TPD52: variants seen among roughly 807,000 people sequenced by gnomAD.
TPD52 encodes prostate and colon associated protein.
In TPD52, 17 loss-of-function variants were observed where a neutral mutation model predicts 31.3. That is an observed-to-expected ratio of 0.54 (90% CI 0.37 to 0.82). The LOEUF (loss-of-function observed/expected upper bound fraction) is 0.82, where lower values mean the gene tolerates loss of function less well. Among genes scored for constraint, TPD52 ranks in the 40% least tolerant of loss-of-function variants. The pLI is 0.00. For synonymous variants in TPD52, 83 were observed against 89.6 expected (o/e 0.93, Z 0.42); for missense variants, 212 against 240.1 (o/e 0.88, Z 0.77).
chr8:80,070,472 C>T (rs1471730833), intron 1 of TPD52, among the ~76,000 whole-genome samples: 1 of 152,102 alleles, frequency 6.6e-6, no homozygotes, highest in African/African-American at 2.4e-5. Flanking sequence ...GGAAACTGTT[C>T]CACCTCAGAT....
At chr8:80,061,777 T>C (rs1022389541) in intron 2 of TPD52, among the ~76,000 whole-genome samples, 1 of 152,100 alleles carries the variant, frequency 6.6e-6, no homozygotes, top group African/African-American at 2.4e-5. Context: ...TTCTACATAA[T>C]AGCAATAAAC....
intron 2 of TPD52, among the ~76,000 whole-genome samples, chr8:80,063,243 T>C (rs1271495689): frequency 6.6e-6 from 1 of 152,212 alleles, no homozygotes; most frequent in Non-Finnish European, 1.5e-5. Flanking sequence ...CACAGATATG[T>C]GCTACACCAT....
chr8:80,089,933 C>G (rs73691168), intron 1 of TPD52, among the ~76,000 whole-genome samples: 8,832 of 152,108 alleles, frequency 0.058, 842 homozygotes, highest in African/African-American at 0.2. Context: ...AGGAGAGAAA[C>G]TGGATAAGAT....
chr8:80,075,370 G>A (rs578121372), intron 1 of TPD52, among the ~76,000 whole-genome samples: 148 of 152,276 alleles, frequency 9.7e-4, no homozygotes, highest in Non-Finnish European at 1.7e-3. Flanking sequence ...GAGCCACATC[G>A]GGTGCAAAGT....
At chr8:80,072,798 C>CACATATATAT (rs977939775) in intron 1 of TPD52, among the ~76,000 whole-genome samples, 4 of 141,076 alleles carry the variant, frequency 2.8e-5, no homozygotes, top group African/African-American at 9.0e-5. Flanking sequence ...CACACACACA[C>CACATATATAT]ATATATATAT....
intron 5 of TPD52, among the ~76,000 whole-genome samples, chr8:80,049,939 T>C (rs1043845144): frequency 2.6e-5 from 4 of 152,186 alleles, no homozygotes; most frequent in African/African-American, 9.6e-5. Flanking sequence ...TGGCAGATTT[T>C]ACCTTATGTA....
At chr8:80,042,240 A>G (rs1219994351) in intron 7 of TPD52, 1 of 985,358 alleles carries the variant, frequency 1.0e-6, no homozygotes, top group Non-Finnish European at 1.2e-6. Context: ...TCTGAGTGGT[A>G]GGACCAATTT....
intron 7 of TPD52, chr8:80,042,394 G>T (rs980580137): frequency 4.1e-6 from 4 of 985,300 alleles, no homozygotes; most frequent in African/African-American, 1.7e-5. Flanking sequence ...TTTGTAAATT[G>T]TACATTTCCT....
At chr8:80,051,335 A>T in intron 4 of TPD52, 192 bp downstream of exon 4, 1 of 566,394 alleles carries the variant, frequency 1.8e-6, no homozygotes, top group Non-Finnish European at 3.1e-6. Flanking sequence ...TCAGATGATC[A>T]TTTGATGTTA....
chr8:80,087,226 T>C (rs567800719), intron 1 of TPD52, among the ~76,000 whole-genome samples: 1 of 152,318 alleles, frequency 6.6e-6, no homozygotes, highest in Non-Finnish European at 1.5e-5. Flanking sequence ...CCATAGTGGT[T>C]TGCTGCACAA....
At chr8:80,170,073 G>A (rs1168465955) in intron 1 of TPD52, among the ~76,000 whole-genome samples, 1 of 152,174 alleles carries the variant, frequency 6.6e-6, no homozygotes, top group Non-Finnish European at 1.5e-5. Flanking sequence ...GAAGGGGAGC[G>A]AGGAAAGAGC....
intron 1 of TPD52, among the ~76,000 whole-genome samples, chr8:80,101,448 CAAAAAAAAAAAAAAA>C (rs113660828): frequency 0.16 from 18,296 of 114,740 alleles, 3,346 homozygotes; most frequent in African/African-American, 0.45. Context: ...ACTCCCAGCT[CAAAAAAAAAAAAAAA>C]AAAAAAAAAA....
At chr8:80,168,016 T>C (rs574970092) in intron 1 of TPD52, among the ~76,000 whole-genome samples, 8 of 152,302 alleles carry the variant, frequency 5.3e-5, no homozygotes, top group Non-Finnish European at 1.2e-4. Flanking sequence ...TCTATCAAAG[T>C]AGGAAATACC....
chr8:80,096,277 AACACACACACACAAACAC>A (rs985025573), intron 1 of TPD52, among the ~76,000 whole-genome samples: 2 of 125,718 alleles, frequency 1.6e-5, no homozygotes, highest in African/African-American at 5.9e-5. Flanking sequence ...AAGACTATCA[AACACACACACACAAACAC>A]ACACACACAC....
At position 80,043,327 on chromosome 8, in the gene TPD52, G is replaced by A. The variant is rs985422319; in HGVS notation, c.456-659C>T. On this transcript the variant is annotated intron_variant, in intron 6 of 7. Transcript: ENST00000518937. ...CATATTAATTAAGGAGGATCATAGCGCCTTTGTCTCTCACAAAGGCGCTTT... is the reference window on the plus strand; with the variant it reads ...CATATTAATTAAGGAGGATCATAGCACCTTTGTCTCTCACAAAGGCGCTTT... Among the ~76,000 whole-genome samples the A allele has an allele frequency of 4.6e-5, 7 of 152,066 alleles. No homozygotes were observed. In the East Asian group the frequency reaches 1.2e-3, roughly 25 times the overall value.
intron 1 of TPD52, among the ~76,000 whole-genome samples, chr8:80,115,483 A>G: frequency 6.6e-6 from 1 of 152,222 alleles, no homozygotes; most frequent in East Asian, 1.9e-4. Context: ...CAAGCGGCGG[A>G]AAAGGCAGCA....
Position 80,160,970 on chromosome 8 carries a change from G to A in TPD52, c.19+10455C>T, listed in dbSNP as rs530459107. On this transcript the variant is annotated intron_variant, in intron 1 of 7. Transcript: ENST00000518937. ...CCAGCTACTTGGGAGGCTGAGGCACGAGAATTGCTTGAGCCTGGGAGGCAG... is the reference window on the plus strand; with the variant it reads ...CCAGCTACTTGGGAGGCTGAGGCACAAGAATTGCTTGAGCCTGGGAGGCAG... Among the ~76,000 whole-genome samples, 8 of 150,844 alleles carry A rather than the reference G, an allele frequency of 5.3e-5. No homozygotes were observed. The South Asian group carries it at 1.1e-3, about 20-fold the overall frequency.
chr8:80,122,893 T>C (rs1163089157), intron 1 of TPD52: 1 of 152,274 alleles, frequency 6.6e-6, no homozygotes, highest in East Asian at 1.9e-4. Context: ...ACATGGCAAT[T>C]CCACAGACAA....
At chr8:80,121,595 C>T (rs760614279) in intron 1 of TPD52, among the ~76,000 whole-genome samples, 5 of 152,186 alleles carry the variant, frequency 3.3e-5, no homozygotes, top group East Asian at 3.8e-4. Context: ...TCAGGAGCCA[C>T]GTGGAAAATC....
Sources: gnomAD v4.1 joint callset for allele counts (sites outside exome capture counted in the v4.1 genomes callset) on GRCh38, gnomAD v4.1.1 for gene constraint, MANE v1.5 for transcripts, NCBI Gene and HGNC (gene_info 2026-07-23, HGNC 2026-07-21) for gene names.